The following PDE11A variants were observed in gnomAD, a reference collection of about 807,000 sequenced individuals.
PDE11A encodes the protein phosphodiesterase 11A, also known as dual 3',5'-cyclic-AMP and -GMP phosphodiesterase 11A.
Under a neutral mutation model 100.5 loss-of-function variants are expected in PDE11A, and 100 were observed. That is an observed-to-expected ratio of 1.00 (90% confidence interval 0.85 to 1.18). The LOEUF (loss-of-function observed/expected upper bound fraction) is 1.18, where lower values mean the gene tolerates loss of function less well. PDE11A is among the 50% of genes most tolerant of loss of function. The probability of loss-of-function intolerance (pLI) is 0.00; values close to 1 mark genes in which losing one functional copy is unlikely to be tolerated. For synonymous variants in PDE11A, 381 were observed against 420.8 expected, an observed-to-expected ratio of 0.91 and a Z score of 1.16; for missense variants, 1,141 against 1,152.6, an observed-to-expected ratio of 0.99 and a Z score of 0.15.
chr2:177,792,695 G>C (rs530165034), intron 9 of PDE11A, among the ~76,000 whole-genome samples: 9 of 152,204 alleles, frequency 5.9e-5, no homozygotes, highest in African/African-American at 2.2e-4. Context: ...AAAATGCAAA[G>C]GGCAATTTCC....
chr2:177,944,443 A>G (rs1310868557), intron 2 of PDE11A, among the ~76,000 whole-genome samples: 1 of 152,184 alleles, frequency 6.6e-6, no homozygotes, highest in Non-Finnish European at 1.5e-5. Context: ...CCTCTAACTG[A>G]GTTATATAAC....
chr2:177,759,879 A>G (rs1422817480), intron 10 of PDE11A, among the ~76,000 whole-genome samples: 1 of 152,200 alleles, frequency 6.6e-6, no homozygotes, highest in Non-Finnish European at 1.5e-5. Context: ...AAAAGTCAAT[A>G]TGTTGAGTTC....
chr2:177,982,585 G>A (rs575662707), intron 2 of PDE11A, among the ~76,000 whole-genome samples: 1 of 150,222 alleles, frequency 6.7e-6, no homozygotes, highest in Non-Finnish European at 1.5e-5. Context: ...AGAACCATGT[G>A]GCAGAGAAAA....
chr2:177,726,371 T>A (rs1032481133), intron 12 of PDE11A, among the ~76,000 whole-genome samples: 3 of 152,074 alleles, frequency 2.0e-5, no homozygotes, highest in African/African-American at 7.2e-5. Context: ...CATGACAGAG[T>A]GCAGGGTGCT....
chr2:178,076,736 T>G (rs773989592), upstream of PDE11A, among the ~76,000 whole-genome samples: 6 of 152,240 alleles, frequency 3.9e-5, no homozygotes, highest in Non-Finnish European at 7.3e-5. Flanking sequence ...AACAACAATT[T>G]TCCTACTTCT....
chr2:177,916,571 T>C (rs1019194228), intron 2 of PDE11A, among the ~76,000 whole-genome samples: 2 of 152,100 alleles, frequency 1.3e-5, no homozygotes, highest in African/African-American at 4.8e-5. Flanking sequence ...AATTCAACCA[T>C]AGTGACCGAA....
chr2:177,799,130 A>G (rs1574154291), intron 9 of PDE11A, among the ~76,000 whole-genome samples: 1 of 152,186 alleles, frequency 6.6e-6, no homozygotes, highest in African/African-American at 2.4e-5. Context: ...GAAACTCTAC[A>G]AAATACCTGA....
intron 19 of PDE11A, among the ~76,000 whole-genome samples, chr2:177,643,772 T>C (rs993213323): frequency 6.6e-6 from 1 of 152,132 alleles, no homozygotes; most frequent in Admixed American, 6.5e-5. Flanking sequence ...AAAAATGGCT[T>C]CGTGGGCCAA....
intron 10 of PDE11A, among the ~76,000 whole-genome samples, chr2:177,732,199 C>T (rs2081702305): frequency 6.6e-6 from 1 of 152,122 alleles, no homozygotes; most frequent in Non-Finnish European, 1.5e-5. Flanking sequence ...AGTGAACTCA[C>T]TTATTAGGCT....
intron 2 of PDE11A, among the ~76,000 whole-genome samples, chr2:177,913,617 G>C (rs558480393): frequency 6.6e-6 from 1 of 151,998 alleles, no homozygotes; most frequent in African/African-American, 2.4e-5. Context: ...CTAGTTTTAG[G>C]GTTGTTTGTA....
intron 5 of PDE11A, among the ~76,000 whole-genome samples, chr2:177,851,123 C>T (rs1241111063): frequency 6.6e-6 from 1 of 152,104 alleles, no homozygotes; most frequent in Non-Finnish European, 1.5e-5. Flanking sequence ...ATAGCAAAGA[C>T]TTGGAACCAA....
At chr2:178,090,224 C>T (rs528085972) in intron 2 of PDE11A, among the ~76,000 whole-genome samples, 1 of 152,272 alleles carries the variant, frequency 6.6e-6, no homozygotes, top group East Asian at 1.9e-4. Context: ...GTAAATTCAT[C>T]CTAAAATGGA....
intron 19 of PDE11A, among the ~76,000 whole-genome samples, chr2:177,642,436 G>C (rs867181280): frequency 6.6e-6 from 1 of 152,216 alleles, no homozygotes; most frequent in Non-Finnish European, 1.5e-5. Flanking sequence ...CATAACAGCT[G>C]AGTTCTTCTC....
intron 2 of PDE11A, among the ~76,000 whole-genome samples, chr2:177,986,143 G>A (rs1033447672): frequency 6.6e-6 from 1 of 152,216 alleles, no homozygotes; most frequent in South Asian, 2.1e-4. Context: ...CTGTAGGATC[G>A]GGGGAACACA....
At chr2:177,948,657 A>T (rs1347869401) in intron 2 of PDE11A, among the ~76,000 whole-genome samples, 3 of 152,252 alleles carry the variant, frequency 2.0e-5, no homozygotes, top group Non-Finnish European at 4.4e-5. Context: ...TAATCTCAAC[A>T]CTTTGGGAGG....
chr2:178,032,841 A>G (rs1190547967), intron 1 of PDE11A, among the ~76,000 whole-genome samples: 1 of 152,244 alleles, frequency 6.6e-6, no homozygotes, highest in Non-Finnish European at 1.5e-5. Context: ...ACAAACAGAA[A>G]GCGATAACAT....
In PDE11A at chr2:177,981,156, A is replaced by T. The variant is rs142058447; in HGVS notation, c.1071+33146T>A. On this transcript the variant is annotated intron_variant, in intron 2 of 19. Transcript: ENST00000286063. ...GTTAGTATCTTGGGAAGATAATAATAGCCTTCCTGAGATTGGTCCTAGATG... is the reference window on the plus strand; with the variant it reads ...GTTAGTATCTTGGGAAGATAATAATTGCCTTCCTGAGATTGGTCCTAGATG... Among the ~76,000 whole-genome samples the T allele has an allele frequency of 4.0e-4, 61 of 150,852 alleles. 1 individual carries two copies. The highest frequency in any genetic ancestry group is 1.4e-3 in the African/African-American group (58 of 41,458).
intron 9 of PDE11A, among the ~76,000 whole-genome samples, chr2:177,788,864 C>A (rs1409595863): frequency 6.6e-6 from 1 of 151,980 alleles, no homozygotes; most frequent in Non-Finnish European, 1.5e-5. Flanking sequence ...CTGAATAGAC[C>A]AATAACAGGA....
intron 2 of PDE11A, among the ~76,000 whole-genome samples, chr2:177,911,187 T>A (rs2084876721): frequency 6.6e-6 from 1 of 152,224 alleles, no homozygotes; most frequent in African/African-American, 2.4e-5. Context: ...CAGTTGTGAT[T>A]CAAATGCTGA....
Sources: allele counts gnomAD v4.1 joint callset (sites outside exome capture counted in the v4.1 genomes callset), GRCh38; gene constraint gnomAD v4.1.1; transcripts MANE v1.5; gene names NCBI Gene and HGNC (gene_info 2026-07-23, HGNC 2026-07-21).